The following NLRC5 variants were observed in gnomAD, a reference collection of about 807,000 sequenced individuals.
NLRC5 encodes NLR family CARD domain containing 5, also known as protein NLRC5.
A neutral mutation model predicts 206.9 loss-of-function variants in NLRC5; 114 were observed. The ratio of observed to expected loss-of-function variants is 0.55; its 90% CI spans 0.47 to 0.64. The LOEUF (loss-of-function observed/expected upper bound fraction) is 0.64. NLRC5 is among the 30% of genes least tolerant of loss of function. The pLI, the probability that NLRC5 is intolerant of heterozygous loss-of-function variation, is 0.00. For missense variants in NLRC5, 2,008 were observed against 2,305.5 expected (o/e 0.87, Z 2.64); for synonymous variants, 952 against 962.8 (o/e 0.99, Z 0.21).
intron 33 of NLRC5, among the ~76,000 whole-genome samples, chr16:57,065,812 T>C (rs1216038653): frequency 6.6e-6 from 1 of 152,210 alleles, no homozygotes; most frequent in Non-Finnish European, 1.5e-5. Flanking sequence ...TTACAAGAAC[T>C]GGAGCCTGTA....
intron 25 of NLRC5, 56 bp from the exon 26 acceptor site, chr16:57,054,976 G>A (rs2065417681): frequency 6.2e-7 from 1 of 1,605,280 alleles, no homozygotes; most frequent in East Asian, 2.2e-5. Context: ...CTGGCCCCGT[G>A]GGGGCATCCT....
In NLRC5 at chr16:57,025,522, G is replaced by A. The variant is rs1427393960; in HGVS notation, c.579G>A (p.Gly193=). The change falls in exon 6 of 49, where the codon GGG becomes GGA. Residue 193 remains glycine (G), a synonymous_variant. Transcript: ENST00000688547. ...RATASLDTPE[G]AIMGDVKVED... is the part of the protein sequence containing the mutation. The stretch of plus-strand genomic sequence containing the variant: ...CAGCATCCTTAGACACTCCGGAGGG[G>A]GCCATTATGGGGGACGTCAAGGTGG... 1.2e-6 allele frequency: 2 copies of A among 1,613,502 alleles called. No homozygotes were observed. The highest frequency in any genetic ancestry group is 1.7e-6 in the Non-Finnish European group (2 of 1,179,736).
At chr16:57,032,261 G>A (rs535656194) in intron 11 of NLRC5, among the ~76,000 whole-genome samples, 15 of 151,830 alleles carry the variant, frequency 9.9e-5, no homozygotes, top group African/African-American at 1.9e-4. Flanking sequence ...AAAGGCAGGC[G>A]TGGTGGTGCA....
chr16:56,998,731 G>T (rs1194190363), intron 1 of NLRC5, among the ~76,000 whole-genome samples: 2 of 152,226 alleles, frequency 1.3e-5, no homozygotes, highest in East Asian at 3.8e-4. Context: ...ATATCATGTT[G>T]TGCATATCAT....
chr16:57,072,697 T>A (rs543644634), intron 38 of NLRC5, among the ~76,000 whole-genome samples: 1 of 58,112 alleles, frequency 1.7e-5, no homozygotes, highest in South Asian at 6.1e-4. Context: ...CTCTTAACTT[T>A]TTCTGATGAC....
At chr16:57,037,135 C>A in intron 14 of NLRC5, 60 bp from the exon 15 acceptor site, 1 of 1,382,474 alleles carries the variant, frequency 7.2e-7, no homozygotes, top group Non-Finnish European at 1.0e-6. Flanking sequence ...GGGGCTAGAG[C>A]TGGCTGGGGC....
Position 57,026,317 on chromosome 16 carries a change from G to A in NLRC5, c.1374G>A (p.Leu458=), listed in dbSNP as rs1479344484. ...GGCACTTGCCCACCTCGTCCCTACT[G>A]GACCTGGGGGAGGTGGCCCTGAGGG... is the stretch of plus-strand genomic sequence containing the variant. ...PPGHLPTSSL[L]DLGEVALRGL... Residue 458 remains leucine (L), a synonymous_variant, in exon 6 of 49, where the codon CTG becomes CTA. Transcript: ENST00000688547. The A allele has an allele frequency of 6.2e-7, 1 of 1,613,914 alleles. No individual in the cohort carries two copies. The highest frequency in any genetic ancestry group is 8.5e-7 in the Non-Finnish European group (1 of 1,180,054).
In NLRC5 at chr16:57,022,371, C is replaced by A. The variant is rs1335963465; in HGVS notation, c.355+56C>A. The A allele has an allele frequency of 2.0e-6, 3 of 1,496,186 alleles. No homozygotes were observed. In the African/African-American group the frequency reaches 4.2e-5, roughly 21 times the overall value. 92.7% of individuals were successfully genotyped at this position (1,496,186 alleles called of 1,614,324 possible). A position where few individuals can be genotyped will look rare whatever the true frequency, so the allele number is the denominator to read the frequency against. On this transcript the variant is annotated intron_variant, in intron 4 of 48. Coordinates refer to ENST00000688547, the MANE Select transcript of NLRC5 (RefSeq NM_001384950.1). Reference sequence around the variant, plus strand: ...GGTGGTGAGCACTGTGAAGTCCCCACTTCCAAGCTGGAGGAGGCTGTGGAG... The same window carrying A: ...GGTGGTGAGCACTGTGAAGTCCCCAATTCCAAGCTGGAGGAGGCTGTGGAG...
At chr16:57,037,746 AC>A (rs2062783122) in intron 15 of NLRC5, among the ~76,000 whole-genome samples, 3 of 152,194 alleles carry the variant, frequency 2.0e-5, no homozygotes, top group Admixed American at 2.0e-4. Flanking sequence ...CCACTCACAG[AC>A]CCAGGCTCTG....
At chr16:57,041,199 T>C (rs1486734243) in intron 17 of NLRC5, 2 of 442,268 alleles carry the variant, frequency 4.5e-6, no homozygotes, top group East Asian at 7.9e-5. Context: ...TTAACTGTTA[T>C]TTCAGTCTTA....
chr16:57,057,841 G>A (rs2065886693), intron 27 of NLRC5, among the ~76,000 whole-genome samples: 1 of 152,134 alleles, frequency 6.6e-6, no homozygotes, highest in Admixed American at 6.5e-5. Context: ...GAATTGTGGT[G>A]ATAATGAAAG....
At chr16:57,028,205 T>C in intron 7 of NLRC5, 50 bp downstream of exon 7, 1 of 1,574,310 alleles carries the variant, frequency 6.4e-7, no homozygotes, top group South Asian at 1.1e-5. Context: ...GGATGCCTGG[T>C]ACTCTCCTCC....
intron 1 of NLRC5, among the ~76,000 whole-genome samples, chr16:56,992,710 C>T (rs1321986313): frequency 6.6e-6 from 1 of 151,982 alleles, no homozygotes; most frequent in Non-Finnish European, 1.5e-5. Context: ...CTCCTGACCT[C>T]AGGTGATCCA....
At chr16:57,013,692 C>A in intron 1 of NLRC5, 1 of 801,586 alleles carries the variant, frequency 1.2e-6, no homozygotes, top group Non-Finnish European at 2.2e-6. Flanking sequence ...TGCTGGTAAC[C>A]TGGAATATGC....
At chr16:57,027,383 A>G (rs1597233248) in intron 6 of NLRC5, among the ~76,000 whole-genome samples, 1 of 152,218 alleles carries the variant, frequency 6.6e-6, no homozygotes, top group South Asian at 2.1e-4. Flanking sequence ...GCCAACTCAT[A>G]TGGTCATTGC....
intron 38 of NLRC5, among the ~76,000 whole-genome samples, chr16:57,072,649 T>C (rs2067919301): frequency 6.6e-6 from 1 of 152,234 alleles, no homozygotes; most frequent in African/African-American, 2.4e-5. Flanking sequence ...AGACAGTATC[T>C]GGACAGAAAA....
rs200754292 is a variant in NLRC5, at chr16:57,077,713, C to G, written c.4920-6C>G. On this transcript the variant is annotated splice_polypyrimidine_tract_variant and splice_region_variant and intron_variant, in intron 41 of 48. Transcript: ENST00000688547. ...AGAGGACCTGATGGCTGCCCCCCTC[C>G]CACAGCCTCTCAGGGAATAGCATCA... 1.3e-6 allele frequency: 2 copies of G among 1,565,258 alleles called. No homozygotes were observed. Among genetic ancestry groups the G allele is most frequent in the African/African-American group, 2.7e-5 (2 of 73,572 alleles).
chr16:57,059,052 C>T lies in NLRC5; in HGVS notation c.3911C>T (p.Ala1304Val), dbSNP rs748764093. The change falls in exon 29 of 49, where the codon GCC becomes GTC. Residue 1304 changes from alanine (A) to valine (V), a missense_variant. By Grantham distance (64) the Ala-to-Val change is moderately conservative. Transcript: ENST00000688547. ...TLPSCPRVRE[A>V]SVNLGSEQSF... Reference sequence around the variant, plus strand: ...CCCTCCTGCCCACGTGTCCGGGAGGCCTCAGTGAAGTAAGGGGATGTTGGT... The same window carrying T: ...CCCTCCTGCCCACGTGTCCGGGAGGTCTCAGTGAAGTAAGGGGATGTTGGT... 9.3e-6 allele frequency: 15 copies of T among 1,614,024 alleles called. No homozygotes were observed. The South Asian group carries it at 1.1e-4, about 12-fold the overall frequency.
chr16:57,045,521 G>C (rs1356872472), intron 21 of NLRC5, 29 bp downstream of exon 21: 5 of 1,607,256 alleles, frequency 3.1e-6, no homozygotes, highest in Non-Finnish European at 4.3e-6. Context: ...GGGTGGGGGA[G>C]TCCCCTCCCG....
Sources: allele counts gnomAD v4.1 joint callset (sites outside exome capture counted in the v4.1 genomes callset), GRCh38; gene constraint gnomAD v4.1.1; transcripts MANE v1.5; gene names NCBI Gene and HGNC (gene_info 2026-07-23, HGNC 2026-07-21).